Variants in NAP1L4 observed in about 807,000 individuals in gnomAD.
The protein encoded by NAP1L4 is nucleosome assembly protein 1 like 4, also known as nucleosome assembly protein 1-like 4.
Under a neutral mutation model 58.2 loss-of-function variants are expected in NAP1L4, and 15 were observed. The observed-to-expected ratio is 0.26, with a 90% CI of 0.17 to 0.40. The LOEUF (loss-of-function observed/expected upper bound fraction) is 0.40, where lower values mean the gene tolerates loss of function less well. Ranked by LOEUF, NAP1L4 falls within the 10% of genes least tolerant of loss-of-function variation. The pLI, the probability that NAP1L4 is intolerant of heterozygous loss-of-function variation, is 1.00. For synonymous variants in NAP1L4, 171 were observed against 155.6 expected, an observed-to-expected ratio of 1.10 and a Z score of -0.74; for missense variants, 384 against 451.1, an observed-to-expected ratio of 0.85 and a Z score of 1.35.
At chr11:2,947,535 CT>C (rs1203586168) in intron 15 of NAP1L4, among the ~76,000 whole-genome samples, 1 of 152,042 alleles carries the variant, frequency 6.6e-6, no homozygotes, top group African/African-American at 2.4e-5. Context: ...CACACTGGAG[CT>C]TCTGCAAGTG....
intron 1 of NAP1L4, among the ~76,000 whole-genome samples, chr11:2,987,753 C>T (rs6578309): frequency 0.44 from 48,040 of 108,156 alleles, 10,071 homozygotes; most frequent in African/African-American, 0.63. Flanking sequence ...CGAGACTCCA[C>T]CTCAAAAAAA....
At position 2,954,485 on chromosome 11, in the gene NAP1L4, A is replaced by T; in HGVS notation, c.1035+42T>A. 2 of 1,612,796 alleles carry T rather than the reference A, an allele frequency of 1.2e-6. No homozygotes were observed. Among genetic ancestry groups the T allele is most frequent in the Non-Finnish European group, 1.7e-6 (2 of 1,178,908 alleles). On this transcript the variant is annotated intron_variant, in intron 12 of 15. Coordinates refer to ENST00000380542, the MANE Select transcript of NAP1L4 (RefSeq NM_005969.4). This position sits in a 1 kb window ranked among gnomAD's most constrained non-coding sequence, Gnocchi z 4.8. ...TCAGGGCCACTCTGCACCAACAGAG[A>T]TAAGCACCCAGGTGGAAGCCCCCCT...
rs945997334 is a variant in NAP1L4 at position 2,959,740 on chromosome 11, G to A, written c.746+30C>T. 1.2e-6 allele frequency: 2 copies of A among 1,606,316 alleles called. No homozygotes were observed. The highest frequency in any genetic ancestry group is 1.7e-6 in the Non-Finnish European group (2 of 1,176,842). ...AAAATTATCTTTTGATTTTGTTTCA[G>A]AAAAACAAGGTAGAATGACATTTTC... On this transcript the variant is annotated intron_variant, in intron 9 of 15. Coordinates refer to ENST00000380542, the MANE Select transcript of NAP1L4 (RefSeq NM_005969.4). This position sits in a 1 kb window ranked among gnomAD's most constrained non-coding sequence, Gnocchi z 4.9.
Position 2,944,583 on chromosome 11 carries a change from G to C in NAP1L4, c.*1096C>G, listed in dbSNP as rs1479878238. 6.6e-6 allele frequency: 1 copy of C among 152,310 alleles called. No individual in the cohort carries two copies. The highest frequency in any genetic ancestry group is 2.4e-5 in the African/African-American group (1 of 41,456). The allele number at this position is 152,310 out of a possible 1,614,324, so 9.4% of individuals were successfully genotyped here. On this transcript the variant is annotated 3_prime_UTR_variant, in exon 16 of 16. Transcript: ENST00000380542. Reference sequence around the variant, plus strand: ...GACACGGCCATCCCCGGCTGCCGGAGAGCGCCGTCACCCACTTGAAAACCC... The same window carrying C: ...GACACGGCCATCCCCGGCTGCCGGACAGCGCCGTCACCCACTTGAAAACCC...
At position 2,964,766 on chromosome 11, in the gene NAP1L4, A is replaced by G. The variant is rs200076530; in HGVS notation, c.535-15T>C. The G allele has an allele frequency of 6.3e-7, 1 of 1,585,754 alleles. No homozygotes were observed. Among genetic ancestry groups the G allele is most frequent in the Non-Finnish European group, 8.6e-7 (1 of 1,163,346 alleles). ...TCATCATATTCCTAATCAAAAAGAG[A>G]AAAAAAATTCCAACAGGCTTTTAAA... On this transcript the variant is annotated splice_polypyrimidine_tract_variant and intron_variant, in intron 7 of 15. Transcript: ENST00000380542.
intron 7 of NAP1L4, among the ~76,000 whole-genome samples, chr11:2,967,008 C>T (rs1407442694): frequency 6.6e-6 from 1 of 152,182 alleles, no homozygotes; most frequent in Non-Finnish European, 1.5e-5. Flanking sequence ...ATCGTAAAGC[C>T]ACCATCTCAA....
intron 1 of NAP1L4, among the ~76,000 whole-genome samples, chr11:2,982,976 C>T (rs575186009): frequency 6.6e-6 from 1 of 152,238 alleles, no homozygotes; most frequent in East Asian, 1.9e-4. Context: ...GCAAAGATTG[C>T]ACCACTGCAC....
At chr11:2,985,438 T>C (rs1848562424) in intron 1 of NAP1L4, among the ~76,000 whole-genome samples, 2 of 152,242 alleles carry the variant, frequency 1.3e-5, no homozygotes, top group African/African-American at 4.8e-5. Flanking sequence ...AATACTAGTC[T>C]TATAAAACCA....
At position 2,948,203 on chromosome 11, in the gene NAP1L4, C is replaced by T. The variant is rs1259657699; in HGVS notation, c.*32+1024G>A. 6.6e-6 allele frequency among the ~76,000 whole-genome samples: 1 copy of T among 152,154 alleles called. No homozygotes were observed. Among genetic ancestry groups the T allele is most frequent in the Non-Finnish European group, 1.5e-5 (1 of 68,028 alleles). ...GAAACCTGGCCCTGGAAAACAAAAT[C>T]GTTCCAAGAGCTGCATCCGCCCTAT... On this transcript the variant is annotated intron_variant, in intron 15 of 15. Transcript: ENST00000380542. The surrounding 1 kb of genome is among the most constrained non-coding windows in gnomAD (Gnocchi z 5.1).
At chr11:2,991,031 A>C (rs765226364) in intron 1 of NAP1L4, 2 of 451,034 alleles carry the variant, frequency 4.4e-6, no homozygotes, top group Non-Finnish European at 9.0e-6. Flanking sequence ...CTACAGGAAA[A>C]AGTAATGCAG....
At chr11:2,952,017 A>T in intron 12 of NAP1L4, 2 of 625,462 alleles carry the variant, frequency 3.2e-6, no homozygotes, top group Non-Finnish European at 5.7e-6. Flanking sequence ...AAGTCACGCA[A>T]AACAAGGAAT....
At position 2,954,364 on chromosome 11, in the gene NAP1L4, G is replaced by C. The variant is rs1423618620; in HGVS notation, c.1035+163C>G. On this transcript the variant is annotated intron_variant, in intron 12 of 15. Coordinates refer to ENST00000380542, the MANE Select transcript of NAP1L4 (RefSeq NM_005969.4). The surrounding 1 kb of genome is among the most constrained non-coding windows in gnomAD (Gnocchi z 4.8). The stretch of plus-strand genomic sequence containing the variant: ...TGTTCCTCAGACTTCTCCTCTTCAA[G>C]CGTATTCCCCCCACAACAAGGACAG... 5.8e-6 allele frequency: 6 copies of C among 1,029,740 alleles called. No homozygotes were observed. The highest frequency in any genetic ancestry group is 2.0e-5 in the Admixed American group (1 of 49,570). 63.8% of individuals were successfully genotyped at this position (1,029,740 alleles called of 1,614,324 possible).
At chr11:2,977,269 C>T (rs1848021972) in intron 3 of NAP1L4, among the ~76,000 whole-genome samples, 1 of 152,146 alleles carries the variant, frequency 6.6e-6, no homozygotes, top group African/African-American at 2.4e-5. Flanking sequence ...GGTGAAAGGA[C>T]CTTGGTAACA....
At chr11:2,963,889 T>C (rs1439624993) in intron 8 of NAP1L4, 1 of 519,258 alleles carries the variant, frequency 1.9e-6, no homozygotes, top group Admixed American at 1.9e-5. Flanking sequence ...TTACGAACAG[T>C]GCTCCCTGGG....
chr11:2,976,145 C>T (rs374904161), intron 3 of NAP1L4, 22 bp from the exon 4 acceptor site: 55 of 1,588,670 alleles, frequency 3.5e-5, no homozygotes, highest in Non-Finnish European at 4.7e-5. Flanking sequence ...TAAGACCAAA[C>T]ATATTTAAAA....
chr11:2,954,463 G>C lies in NAP1L4; in HGVS notation c.1035+64C>G. The C allele has an allele frequency of 6.2e-7, 1 of 1,610,418 alleles. No homozygotes were observed. The highest frequency in any genetic ancestry group is 8.5e-7 in the Non-Finnish European group (1 of 1,177,000). ...TGGGGGTTTCCTAAGCCACAATTCA[G>C]GGCCACTCTGCACCAACAGAGATAA... On this transcript the variant is annotated intron_variant, in intron 12 of 15. Transcript: ENST00000380542. The surrounding 1 kb of genome is among the most constrained non-coding windows in gnomAD (Gnocchi z 4.8).
At chr11:2,978,481 T>C (rs1848101478) in intron 2 of NAP1L4, 139 bp from the exon 3 acceptor site, 2 of 678,804 alleles carry the variant, frequency 2.9e-6, no homozygotes, top group Non-Finnish European at 5.0e-6. Flanking sequence ...AAACTACCAA[T>C]GTGCATGTTA....
rs888967990 is a variant in NAP1L4, at chr11:2,944,549, G to A, written c.*1130C>T. Reference sequence around the variant, plus strand: ...AGGCCGAGCACTCTCCACAGGCCTGGTCAGTGCGGACACGGCCATCCCCGG... The same window carrying A: ...AGGCCGAGCACTCTCCACAGGCCTGATCAGTGCGGACACGGCCATCCCCGG... On this transcript the variant is annotated 3_prime_UTR_variant, in exon 16 of 16. Transcript: ENST00000380542. The A allele has an allele frequency of 6.6e-6, 1 of 152,294 alleles. No homozygotes were observed. The highest frequency in any genetic ancestry group is 2.4e-5 in the African/African-American group (1 of 41,470). 9.4% of individuals were successfully genotyped at this position (152,294 alleles called of 1,614,324 possible).
At position 2,971,145 on chromosome 11, in the gene NAP1L4, C is replaced by G. The variant is rs1229376160; in HGVS notation, c.402+303G>C. 2.0e-5 allele frequency among the ~76,000 whole-genome samples: 3 copies of G among 152,238 alleles called. No homozygotes were observed. Among genetic ancestry groups the G allele is most frequent in the Non-Finnish European group, 2.9e-5 (2 of 68,038 alleles). ...CCCAATCTTCCAGTGACTGAGAACA[C>G]AGGGGCATCTCTTCTTCATCTTTGC... On this transcript the variant is annotated intron_variant, in intron 6 of 15. Transcript: ENST00000380542. This position sits in a 1 kb window ranked among gnomAD's most constrained non-coding sequence, Gnocchi z 4.2.
Sources: gnomAD v4.1 joint callset for allele counts (sites outside exome capture counted in the v4.1 genomes callset) on GRCh38, gnomAD v4.1.1 for gene constraint, Gnocchi (gnomAD v3.1) non-coding constraint, MANE v1.5 for transcripts, NCBI Gene and HGNC (gene_info 2026-07-23, HGNC 2026-07-21) for gene names.